Variants in VPS13B observed in about 807,000 individuals in gnomAD.
VPS13B encodes intermembrane lipid transfer protein VPS13B.
VPS13B carries 285 observed loss-of-function variants against 426.4 expected under a neutral mutation model. That is an observed-to-expected ratio of 0.67 (90% confidence interval 0.61 to 0.74). VPS13B has a LOEUF of 0.74. VPS13B is among the 30% of genes least tolerant of loss of function. The pLI is 0.00. For missense variants in VPS13B, 4,537 were observed against 4,782.6 expected, an observed-to-expected ratio of 0.95 and a Z score of 1.51; for synonymous variants, 1,676 against 1,676.4, an observed-to-expected ratio of 1.00 and a Z score of 0.01.
chr8:99,573,034 T>G (rs1825568273), intron 31 of VPS13B, among the ~76,000 whole-genome samples: 1 of 152,248 alleles, frequency 6.6e-6, no homozygotes. Flanking sequence ...GGTTTTGTTT[T>G]GCATTTCTCT....
At chr8:99,287,427 TATG>T (rs1819509761) in intron 19 of VPS13B, among the ~76,000 whole-genome samples, 1 of 152,032 alleles carries the variant, frequency 6.6e-6, no homozygotes, top group Admixed American at 6.6e-5. Context: ...TTCTGTTGAT[TATG>T]ATATTTTAAT....
Position 99,163,135 on chromosome 8 carries a change from C to T in VPS13B, c.2208+6392C>T, listed in dbSNP as rs547846778. 2.2e-3 allele frequency among the ~76,000 whole-genome samples: 333 copies of T among 151,550 alleles called. 2 individuals carry two copies. Among genetic ancestry groups the T allele is most frequent in the African/African-American group, 7.8e-3 (323 of 41,268 alleles). ...CAAACCTTGAGCTAGATACAGAGTG[C>T]CGATTGGTGTATTTACAATCCCTGA... is the stretch of plus-strand genomic sequence containing the variant. On this transcript the variant is annotated intron_variant, in intron 15 of 61. Coordinates refer to ENST00000357162, the MANE Select transcript of VPS13B (RefSeq NM_152564.5).
At chr8:99,074,995 C>A (rs1478129081) in intron 3 of VPS13B, among the ~76,000 whole-genome samples, 7 of 152,012 alleles carry the variant, frequency 4.6e-5, no homozygotes, top group Admixed American at 4.6e-4. Flanking sequence ...GTAATCCTGG[C>A]CTTGTAGAAC....
At chr8:99,816,495 G>T (rs1814048868) in intron 44 of VPS13B, among the ~76,000 whole-genome samples, 2 of 152,144 alleles carry the variant, frequency 1.3e-5, no homozygotes, top group Non-Finnish European at 2.9e-5. Context: ...AAATCTGTGT[G>T]TTTATAAAGA....
At chr8:99,848,549 A>AT (rs1185235855) in intron 54 of VPS13B, among the ~76,000 whole-genome samples, 3 of 151,878 alleles carry the variant, frequency 2.0e-5, no homozygotes, top group Admixed American at 6.6e-5. Context: ...ATCATCCATC[A>AT]TTTTTTTCTA....
chr8:99,230,712 G>C (rs1816273555), intron 17 of VPS13B, among the ~76,000 whole-genome samples: 3 of 152,200 alleles, frequency 2.0e-5, no homozygotes, highest in Admixed American at 2.0e-4. Context: ...AGAAGTAAGT[G>C]AAATAATATA....
At chr8:99,460,966 A>G (rs1232285266) in intron 23 of VPS13B, among the ~76,000 whole-genome samples, 1 of 152,218 alleles carries the variant, frequency 6.6e-6, no homozygotes, top group Non-Finnish European at 1.5e-5. Context: ...TTCTTCAAGC[A>G]TAAATGCTTT....
chr8:99,168,188 A>C (rs1371751466), intron 15 of VPS13B, among the ~76,000 whole-genome samples: 2 of 152,102 alleles, frequency 1.3e-5, no homozygotes, highest in African/African-American at 4.8e-5. Context: ...GTCCTGTTTT[A>C]TTGTAATTTT....
At chr8:99,558,884 C>A (rs1289104081) in intron 31 of VPS13B, among the ~76,000 whole-genome samples, 1 of 152,166 alleles carries the variant, frequency 6.6e-6, no homozygotes, top group Non-Finnish European at 1.5e-5. Context: ...GTGCATGTGT[C>A]TTTATAGCAG....
chr8:99,686,434 A>G (rs761813941), intron 35 of VPS13B, among the ~76,000 whole-genome samples: 10 of 150,838 alleles, frequency 6.6e-5, no homozygotes, highest in Non-Finnish European at 1.5e-4. Flanking sequence ...CCTTCCCTAC[A>G]GGGCAGTGAA....
chr8:99,177,231 T>A (rs1193690708), intron 16 of VPS13B, among the ~76,000 whole-genome samples: 1 of 152,192 alleles, frequency 6.6e-6, no homozygotes, highest in Non-Finnish European at 1.5e-5. Flanking sequence ...GACTTTTTTT[T>A]ATGACATGGA....
intron 17 of VPS13B, among the ~76,000 whole-genome samples, chr8:99,205,140 G>A (rs1814618246): frequency 6.6e-6 from 1 of 152,198 alleles, no homozygotes; most frequent in South Asian, 2.1e-4. Flanking sequence ...TAAAGAAAAT[G>A]TGGCACATAT....
At chr8:99,342,298 A>G (rs141224024) in intron 19 of VPS13B, among the ~76,000 whole-genome samples, 48 of 152,322 alleles carry the variant, frequency 3.2e-4, no homozygotes, top group Middle Eastern at 3.4e-3. Flanking sequence ...ATACTACATT[A>G]TTAATTGACT....
At chr8:99,507,384 T>C (rs1475966532) in intron 28 of VPS13B, among the ~76,000 whole-genome samples, 181 bp downstream of exon 28, 1 of 152,220 alleles carries the variant, frequency 6.6e-6, no homozygotes, top group Non-Finnish European at 1.5e-5. Flanking sequence ...GCTCCTGTTT[T>C]GTAACCATCT....
intron 24 of VPS13B, among the ~76,000 whole-genome samples, chr8:99,476,551 A>G (rs1319014155): frequency 6.6e-6 from 1 of 152,164 alleles, no homozygotes; most frequent in African/African-American, 2.4e-5. Flanking sequence ...CCACAAGTAA[A>G]GAACAAATAT....
At chr8:99,425,536 C>G (rs1337073129) in intron 21 of VPS13B, among the ~76,000 whole-genome samples, 2 of 152,140 alleles carry the variant, frequency 1.3e-5, no homozygotes, top group African/African-American at 4.8e-5. Context: ...TAAAAACTCT[C>G]AATAAATTAG....
intron 33 of VPS13B, among the ~76,000 whole-genome samples, chr8:99,596,115 T>A (rs1183243554): frequency 6.6e-6 from 1 of 151,950 alleles, no homozygotes; most frequent in Non-Finnish European, 1.5e-5. Flanking sequence ...ATTTGCAAAA[T>A]TCTGAGAGTT....
intron 36 of VPS13B, among the ~76,000 whole-genome samples, chr8:99,708,174 C>CT (rs901374767): frequency 7.5e-5 from 11 of 147,628 alleles, no homozygotes; most frequent in East Asian, 3.9e-4. Flanking sequence ...TGCCAGTCTG[C>CT]TTTTTTTTTT....
chr8:99,553,990 G>A (rs1478516889), intron 30 of VPS13B, among the ~76,000 whole-genome samples: 1 of 151,700 alleles, frequency 6.6e-6, no homozygotes, highest in Non-Finnish European at 1.5e-5. Context: ...GGAAATAATT[G>A]ATAAATGATG....
Sources: allele counts gnomAD v4.1 joint callset (sites outside exome capture counted in the v4.1 genomes callset), GRCh38; gene constraint gnomAD v4.1.1; transcripts MANE v1.5; gene names NCBI Gene and HGNC (gene_info 2026-07-23, HGNC 2026-07-21).